Variants in PITPNM3 observed in about 807,000 individuals in gnomAD.
PITPNM3 encodes the protein membrane-associated phosphatidylinositol transfer protein 3.
PITPNM3 carries 26 observed loss-of-function variants against 102.0 expected under a neutral mutation model. The observed-to-expected ratio is 0.25, with a 90% CI of 0.19 to 0.35. The LOEUF (loss-of-function observed/expected upper bound fraction) is 0.35. Ranked by LOEUF, PITPNM3 falls within the 10% of genes least tolerant of loss-of-function variation. The pLI, the probability that PITPNM3 is intolerant of heterozygous loss-of-function variation, is 1.00. For missense variants in PITPNM3, 1,083 were observed against 1,346.1 expected (o/e 0.80, Z 3.06); for synonymous variants, 578 against 558.6 (o/e 1.03, Z -0.49).
intron 4 of PITPNM3, among the ~76,000 whole-genome samples, chr17:6,502,743 C>T (rs1222421300): frequency 6.6e-6 from 1 of 152,182 alleles, no homozygotes; most frequent in Non-Finnish European, 1.5e-5. Context: ...CCTCTCCTGA[C>T]CCAGCCACAT....
Position 6,457,799 on chromosome 17 carries a change from G to T in PITPNM3, c.2491-77C>A, listed in dbSNP as rs1360063849. The T allele has an allele frequency of 4.6e-6, 7 of 1,538,260 alleles. No homozygotes were observed. The highest frequency in any genetic ancestry group is 1.2e-5 in the South Asian group (1 of 83,458). ...AAAGCCTTCCCAGGCCAACCCCAGGGGGCCCCTGCTTGGGGACCCTTTATG... is the reference window on the plus strand; with the variant it reads ...AAAGCCTTCCCAGGCCAACCCCAGGTGGCCCCTGCTTGGGGACCCTTTATG... On this transcript the variant is annotated intron_variant, in intron 18 of 19. Coordinates refer to ENST00000262483, the MANE Select transcript of PITPNM3 (RefSeq NM_031220.4). The surrounding 1 kb of genome is among the most constrained non-coding windows in gnomAD (Gnocchi z 4.7).
chr17:6,464,458 C>A (rs552391548), intron 15 of PITPNM3, 140 bp from the exon 16 acceptor site: 1 of 1,122,890 alleles, frequency 8.9e-7, no homozygotes, highest in African/African-American at 1.5e-5. Flanking sequence ...CTCATTTGTC[C>A]TTGGATACTC....
intron 4 of PITPNM3, among the ~76,000 whole-genome samples, chr17:6,500,686 T>C (rs889200012): frequency 2.0e-4 from 31 of 152,256 alleles, no homozygotes; most frequent in Admixed American, 1.7e-3. Flanking sequence ...CACTCTTTTT[T>C]TTTTTTTGAG....
chr17:6,528,824 T>C (rs540000780), intron 2 of PITPNM3, among the ~76,000 whole-genome samples: 2 of 148,538 alleles, frequency 1.3e-5, no homozygotes, highest in African/African-American at 2.5e-5. Flanking sequence ...CACACACACA[T>C]ACACACGGAA....
At chr17:6,555,855 G>GGCGGCCAGCAGCCGGC (rs1356310211) in intron 1 of PITPNM3, among the ~76,000 whole-genome samples, 1 of 152,234 alleles carries the variant, frequency 6.6e-6, no homozygotes, top group Non-Finnish European at 1.5e-5. Flanking sequence ...GAGGGGGCGG[G>GGCGGCCAGCAGCCGGC]GCGGCCAGCA....
chr17:6,529,509 G>A (rs990394649), intron 2 of PITPNM3, among the ~76,000 whole-genome samples: 4 of 151,842 alleles, frequency 2.6e-5, no homozygotes, highest in East Asian at 1.9e-4. Flanking sequence ...TGGAAGAATC[G>A]CTTGAACCCG....
chr17:6,462,354 C>A (rs1904507712), intron 17 of PITPNM3, among the ~76,000 whole-genome samples: 1 of 152,196 alleles, frequency 6.6e-6, no homozygotes, highest in South Asian at 2.1e-4. Context: ...CCTCTCTCTG[C>A]CTCTGTGGCC....
intron 1 of PITPNM3, among the ~76,000 whole-genome samples, chr17:6,545,529 C>G (rs775481221): frequency 1.3e-5 from 2 of 152,188 alleles, no homozygotes; most frequent in Non-Finnish European, 2.9e-5. Flanking sequence ...CAGGCCAGGA[C>G]CTGCTCTCCC....
At chr17:6,496,131 TG>T (rs1906801089) in intron 4 of PITPNM3, among the ~76,000 whole-genome samples, 1 of 152,176 alleles carries the variant, frequency 6.6e-6, no homozygotes, top group South Asian at 2.1e-4. Context: ...GATGCCTTCT[TG>T]GTTTCCTTAA....
At position 6,472,350 on chromosome 17, in the gene PITPNM3, T is replaced by TA. The variant is rs1045630788; in HGVS notation, c.1429+306dup. On this transcript the variant is annotated intron_variant, in intron 11 of 19. Transcript: ENST00000262483. The surrounding 1 kb of genome is among the most constrained non-coding windows in gnomAD (Gnocchi z 4.1). The stretch of plus-strand genomic sequence containing the variant: ...CTTCAGAGTCCAGGCTGGGCACTCA[T>TA]AAAAAAAATAGATTGGAGCACGGAT... 1.4e-4 allele frequency among the ~76,000 whole-genome samples: 21 copies of TA among 151,546 alleles called. No individual in the cohort carries two copies. The highest frequency in any genetic ancestry group is 7.8e-4 in the East Asian group (4 of 5,140).
Position 6,477,020 on chromosome 17 carries a change from A to G in PITPNM3, c.1085+9T>C. 6.2e-7 allele frequency: 1 copy of G among 1,613,802 alleles called. No individual in the cohort carries two copies. The highest frequency in any genetic ancestry group is 1.1e-5 in the South Asian group (1 of 91,026). On this transcript the variant is annotated intron_variant, in intron 9 of 19. Transcript: ENST00000262483. ...AAGGTCTTCTTGCTTCTGGACAGGG[A>G]GGGGCTACCTTGAGAGGAAGGCATG...
chr17:6,556,362 G>T lies in PITPNM3; in HGVS notation c.22+23C>A. 2 of 1,391,322 alleles carry T rather than the reference G, an allele frequency of 1.4e-6. No individual in the cohort carries two copies. The highest frequency in any genetic ancestry group is 1.9e-6 in the Non-Finnish European group (2 of 1,067,304). 86.2% of individuals were successfully genotyped at this position (1,391,322 alleles called of 1,614,324 possible). A position where few individuals can be genotyped will look rare whatever the true frequency, so the allele number is the denominator to read the frequency against. The stretch of plus-strand genomic sequence containing the variant: ...AGTCCCTCCCCCGGGCCCCGGCCCT[G>T]CCCTCCCCGCGCCCGCCCTCACCTG... On this transcript the variant is annotated intron_variant, in intron 1 of 19. Coordinates refer to ENST00000262483, the MANE Select transcript of PITPNM3 (RefSeq NM_031220.4). This position sits in a 1 kb window ranked among gnomAD's most constrained non-coding sequence, Gnocchi z 5.2.
Position 6,472,792 on chromosome 17 carries a change from T to C in PITPNM3, c.1294A>G (p.Ser432Gly). ...GAGGGGTCTGCGCAATGGAAGAAGC[T>C]GTAGACCTGGCTGCAGGCAGGACGC... is the stretch of plus-strand genomic sequence containing the variant. ...QVRPACSQVY[S>G]FFHCADPSAS... Residue 432 changes from serine (S) to glycine (G), a missense_variant, in exon 11 of 20, where the codon AGC becomes GGC. Around this residue, in one of 5 missense-constraint regions of PITPNM3, gnomAD observed 410 missense variants for 638.4 expected, o/e 0.64. Coordinates refer to ENST00000262483, the MANE Select transcript of PITPNM3 (RefSeq NM_031220.4). The surrounding 1 kb of genome is among the most constrained non-coding windows in gnomAD (Gnocchi z 4.1). 6.2e-7 allele frequency: 1 copy of C among 1,614,118 alleles called. No homozygotes were observed. Among genetic ancestry groups the C allele is most frequent in the Non-Finnish European group, 8.5e-7 (1 of 1,179,992 alleles).
chr17:6,530,003 G>T (rs1170322018), intron 2 of PITPNM3, among the ~76,000 whole-genome samples: 2 of 152,180 alleles, frequency 1.3e-5, no homozygotes, highest in Non-Finnish European at 2.9e-5. Flanking sequence ...ATGGCTCCTT[G>T]GCCCAGGAAT....
At chr17:6,499,503 C>G (rs932074554) in intron 4 of PITPNM3, among the ~76,000 whole-genome samples, 1 of 152,154 alleles carries the variant, frequency 6.6e-6, no homozygotes, top group African/African-American at 2.4e-5. Flanking sequence ...ACCAGTAGAG[C>G]GCCAGAAAGA....
intron 3 of PITPNM3, among the ~76,000 whole-genome samples, chr17:6,506,603 C>G (rs1393934659): frequency 6.6e-6 from 1 of 152,200 alleles, no homozygotes; most frequent in East Asian, 1.9e-4. Context: ...GTCTCTTGAC[C>G]TGGTGATCTG....
chr17:6,532,188 C>T (rs1410851248), intron 2 of PITPNM3, among the ~76,000 whole-genome samples: 1 of 152,108 alleles, frequency 6.6e-6, no homozygotes, highest in Non-Finnish European at 1.5e-5. Flanking sequence ...ACACTCTTCC[C>T]CCTGGATTCG....
intron 3 of PITPNM3, among the ~76,000 whole-genome samples, chr17:6,508,048 T>TGCTGGGGTTGCTGGGGATGCA (rs904414653): frequency 1.3e-5 from 2 of 150,306 alleles, no homozygotes; most frequent in Non-Finnish European, 3.0e-5. Context: ...ATGCTGGGGT[T>TGCTGGGGTTGCTGGGGATGCA]GCTGGGGTTG....
chr17:6,514,873 T>C (rs1908066831), intron 3 of PITPNM3, among the ~76,000 whole-genome samples: 1 of 152,162 alleles, frequency 6.6e-6, no homozygotes, highest in African/African-American at 2.4e-5. Context: ...CTGGGATAAA[T>C]GAGACATGGC....
Sources: allele counts gnomAD v4.1 joint callset (sites outside exome capture counted in the v4.1 genomes callset), GRCh38; gene constraint gnomAD v4.1.1; regional missense constraint gnomAD v4.1.1; non-coding constraint Gnocchi (gnomAD v3.1); transcripts MANE v1.5; gene names NCBI Gene and HGNC (gene_info 2026-07-23, HGNC 2026-07-21).